CELF2: variants seen among roughly 807,000 people sequenced by gnomAD.
CELF2 encodes CUG triplet repeat RNA-binding protein 2.
CELF2 carries 8 observed loss-of-function variants against 62.6 expected under a neutral mutation model. The observed-to-expected ratio is 0.13, with a 90% CI of 0.07 to 0.23. The LOEUF is 0.23. Ranked by LOEUF, CELF2 falls within the 10% of genes least tolerant of loss-of-function variation. The pLI is 1.00. For missense variants in CELF2, 333 were observed against 671.0 expected (o/e 0.50, Z 5.56); for synonymous variants, 258 against 250.0 (o/e 1.03, Z -0.30).
chr10:10,819,781 G>A (rs1444982668), intron 1 of CELF2, among the ~76,000 whole-genome samples: 2 of 152,064 alleles, frequency 1.3e-5, no homozygotes, highest in Admixed American at 6.6e-5. Context: ...CTTAGGTTGG[G>A]TCTGATTTTT....
the CELF2 span, among the ~76,000 whole-genome samples, chr10:10,678,011 A>G: frequency 6.6e-6 from 1 of 152,144 alleles, no homozygotes. Flanking sequence ...TACCATCTTT[A>G]GTGTATATGT....
the CELF2 span, among the ~76,000 whole-genome samples, chr10:10,582,567 A>G: frequency 9.1e-4 from 139 of 152,270 alleles, no homozygotes; most frequent in African/African-American, 3.3e-3. Flanking sequence ...TTCCAATTCC[A>G]GTTAACAACC....
the CELF2 span, among the ~76,000 whole-genome samples, chr10:10,593,883 T>A: frequency 1.3e-5 from 2 of 152,208 alleles, no homozygotes; most frequent in African/African-American, 2.4e-5. Flanking sequence ...GTGAAGTGGA[T>A]ACAATAACAC....
chr10:11,179,169 G>C (rs1048981382), intron 2 of CELF2, among the ~76,000 whole-genome samples: 2 of 151,998 alleles, frequency 1.3e-5, no homozygotes, highest in Non-Finnish European at 2.9e-5. Context: ...TGTTCCATAT[G>C]ACCTTAAATC....
chr10:10,587,488 C>G, the CELF2 span, among the ~76,000 whole-genome samples: 3 of 152,114 alleles, frequency 2.0e-5, no homozygotes, highest in African/African-American at 7.2e-5. Flanking sequence ...CAGAAGCCTT[C>G]CCAATTATTT....
intron 4 of CELF2, among the ~76,000 whole-genome samples, chr10:11,252,492 G>A (rs1215906703): frequency 6.6e-6 from 1 of 152,214 alleles, no homozygotes; most frequent in Non-Finnish European, 1.5e-5. Context: ...ATTCATGATG[G>A]ACAGGTGAAC....
intron 1 of CELF2, among the ~76,000 whole-genome samples, chr10:10,877,119 AGGCCACTGCGGTAATCT>A (rs2061148815): frequency 6.6e-6 from 1 of 152,254 alleles, no homozygotes; most frequent in Non-Finnish European, 1.5e-5. Context: ...AAACAAGTAG[AGGCCACTGCGGTAATCT>A]GGGCAAGCAG....
chr10:11,025,035 T>C (rs2058911857), intron 1 of CELF2, among the ~76,000 whole-genome samples: 1 of 152,232 alleles, frequency 6.6e-6, no homozygotes, highest in East Asian at 1.9e-4. Flanking sequence ...TGGTATTTTA[T>C]ATCCTTTCTC....
intron 1 of CELF2, among the ~76,000 whole-genome samples, chr10:10,870,950 A>G (rs1430731875): frequency 6.6e-6 from 1 of 152,206 alleles, no homozygotes; most frequent in Non-Finnish European, 1.5e-5. Flanking sequence ...GGCCCGAAGT[A>G]GACAAGAGGC....
At chr10:10,977,554 A>G (rs905887051) in intron 2 of CELF2, among the ~76,000 whole-genome samples, 2 of 152,224 alleles carry the variant, frequency 1.3e-5, no homozygotes, top group Non-Finnish European at 2.9e-5. Context: ...TACAAATTTT[A>G]AAGATTAGAA....
the CELF2 span, chr10:10,786,757 T>C: frequency 6.6e-6 from 1 of 152,332 alleles, no homozygotes; most frequent in East Asian, 1.9e-4. Flanking sequence ...AGAAGTGTTC[T>C]AGAATTAAGC....
chr10:10,675,569 T>C, the CELF2 span, among the ~76,000 whole-genome samples: 1 of 142,070 alleles, frequency 7.0e-6, no homozygotes, highest in Non-Finnish European at 1.5e-5. Context: ...TCTTTTTCTC[T>C]TTCTTTCCCT....
the CELF2 span, among the ~76,000 whole-genome samples, chr10:10,687,553 T>A: frequency 6.6e-6 from 1 of 152,296 alleles, no homozygotes; most frequent in East Asian, 1.9e-4. Flanking sequence ...TACTTCTTAA[T>A]AACATCAGAG....
intron 2 of CELF2, among the ~76,000 whole-genome samples, chr10:11,212,737 GTTTTTTTTTTT>G (rs11354880): frequency 5.4e-5 from 5 of 91,966 alleles, no homozygotes; most frequent in African/African-American, 1.2e-4. Flanking sequence ...TGTGTTTTGG[GTTTTTTTTTTT>G]TTTTTTTTTT....
chr10:10,639,857 G>A, the CELF2 span, among the ~76,000 whole-genome samples: 1 of 152,096 alleles, frequency 6.6e-6, no homozygotes, highest in Non-Finnish European at 1.5e-5. Context: ...GAGACTGAAG[G>A]AGGAGATGAA....
intron 1 of CELF2, among the ~76,000 whole-genome samples, chr10:10,915,341 G>T (rs1047538564): frequency 2.0e-5 from 3 of 152,136 alleles, no homozygotes; most frequent in Non-Finnish European, 1.5e-5. Context: ...TTAAGTGTTT[G>T]GTGTGTGCCA....
chr10:11,010,450 G>C lies in CELF2; in HGVS notation c.53+5010G>C, dbSNP rs1187687705. On this transcript the variant is annotated intron_variant, in intron 1 of 12. Transcript: ENST00000416382. The surrounding 1 kb of genome is among the most constrained non-coding windows in gnomAD (Gnocchi z 4.1). ...TAGGTTTTAACAAAGATAGGGGTGG[G>C]GGTGTTGAAATAAGGAATAAAAATG... Among the ~76,000 whole-genome samples the C allele has an allele frequency of 2.6e-5, 4 of 152,148 alleles. No individual in the cohort carries two copies. The highest frequency in any genetic ancestry group is 5.9e-5 in the Non-Finnish European group (4 of 68,034).
intron 2 of CELF2, chr10:10,924,995 A>G (rs1050714581): frequency 6.6e-6 from 1 of 152,132 alleles, no homozygotes; most frequent in Non-Finnish European, 1.5e-5. Context: ...AGGACGAGAG[A>G]GACTTACCTC....
At chr10:10,534,573 T>C in the CELF2 span, among the ~76,000 whole-genome samples, 1 of 152,254 alleles carries the variant, frequency 6.6e-6, no homozygotes, top group Non-Finnish European at 1.5e-5. Flanking sequence ...GATGGCTTAC[T>C]AAATTGAAAA....
Sources: gnomAD v4.1 joint callset for allele counts (sites outside exome capture counted in the v4.1 genomes callset) on GRCh38, gnomAD v4.1.1 for gene constraint, Gnocchi (gnomAD v3.1) non-coding constraint, MANE v1.5 for transcripts, NCBI Gene and HGNC (gene_info 2026-07-23, HGNC 2026-07-21) for gene names.